STARD9: variants seen among roughly 807,000 people sequenced by gnomAD.
STARD9 encodes stAR-related lipid transfer protein 9.
Under a neutral mutation model 399.8 loss-of-function variants are expected in STARD9, and 346 were observed. That is an observed-to-expected ratio of 0.87 (90% confidence interval 0.79 to 0.95). The LOEUF (loss-of-function observed/expected upper bound fraction) is 0.95. STARD9 is among the 40% of genes least tolerant of loss of function. The pLI is 0.00. For synonymous variants in STARD9, 2,203 were observed against 2,143.5 expected, an observed-to-expected ratio of 1.03 and a Z score of -0.77; for missense variants, 5,832 against 5,667.5, an observed-to-expected ratio of 1.03 and a Z score of -0.93.
Position 42,688,020 on chromosome 15 carries a change from A to C in STARD9, c.6442A>C (p.Thr2148Pro). 3.3e-6 allele frequency: 5 copies of C among 1,537,412 alleles called. No individual in the cohort carries two copies. Among genetic ancestry groups the C allele is most frequent in the Middle Eastern group, 3.3e-4 (2 of 5,992 alleles). The change falls in exon 23 of 33, where the codon ACC becomes CCC. Residue 2148 changes from threonine to proline, a missense_variant. Thr to Pro is a conservative substitution (Grantham distance 38). Transcript: ENST00000290607. Reference sequence around the variant, plus strand: ...GAACCATCCCCAGGTCCAGAAAATCACCCCAAACCCCTTCAGGTCAAGGGA... The same window carrying C: ...GAACCATCCCCAGGTCCAGAAAATCCCCCCAAACCCCTTCAGGTCAAGGGA... ...IGNHPQVQKITPNPFRSREGV... is the reference protein window; with the variant it reads ...IGNHPQVQKIPPNPFRSREGV...
intron 7 of STARD9, among the ~76,000 whole-genome samples, chr15:42,647,929 C>A (rs2059676794): frequency 6.6e-6 from 1 of 152,152 alleles, no homozygotes; most frequent in South Asian, 2.1e-4. Context: ...ACAACATAGA[C>A]CATTGATTTA....
rs1345809191 is a variant in STARD9, at chr15:42,720,902, C to G, written c.*1328C>G. 1 of 152,046 alleles carries G rather than the reference C, an allele frequency of 6.6e-6. No homozygotes were observed. Among genetic ancestry groups the G allele is most frequent in the Non-Finnish European group, 1.5e-5 (1 of 68,008 alleles). 9.4% of individuals were successfully genotyped at this position (152,046 alleles called of 1,614,324 possible). A position where few individuals can be genotyped will look rare whatever the true frequency, so the allele number is the denominator to read the frequency against. On this transcript the variant is annotated 3_prime_UTR_variant, in exon 33 of 33. Coordinates refer to ENST00000290607, the MANE Select transcript of STARD9 (RefSeq NM_020759.3). ...TTGGTGACATGATATATTTAACACCCTATTTATATACTCCTACCTCTTTTC... is the reference window on the plus strand; with the variant it reads ...TTGGTGACATGATATATTTAACACCGTATTTATATACTCCTACCTCTTTTC...
At chr15:42,604,768 T>C (rs1292367025) in intron 3 of STARD9, among the ~76,000 whole-genome samples, 1 of 150,740 alleles carries the variant, frequency 6.6e-6, no homozygotes, top group Non-Finnish European at 1.5e-5. Context: ...CTTAGCCTCC[T>C]GAGTAACTAA....
In STARD9 at chr15:42,675,788, G is replaced by C. The variant is rs982467293; in HGVS notation, c.1770+42G>C. On this transcript the variant is annotated intron_variant, in intron 19 of 32. Transcript: ENST00000290607. ...TTTCTAGGTTATTGCTGGCCTCCCTGTTTCCACCTTTTAGATGAAAAGCCA... is the reference window on the plus strand; with the variant it reads ...TTTCTAGGTTATTGCTGGCCTCCCTCTTTCCACCTTTTAGATGAAAAGCCA... 5.2e-6 allele frequency: 8 copies of C among 1,534,070 alleles called. No homozygotes were observed. In the African/African-American group the frequency reaches 1.1e-4, roughly 21 times the overall value.
At chr15:42,629,321 T>C (rs1242756905) in intron 3 of STARD9, among the ~76,000 whole-genome samples, 1 of 152,222 alleles carries the variant, frequency 6.6e-6, no homozygotes, top group Non-Finnish European at 1.5e-5. Context: ...GCCTGGCCTA[T>C]AGTTTTCATT....
In STARD9 at chr15:42,678,244, G is replaced by T. The variant is rs1233576509; in HGVS notation, c.1874+2269G>T. On this transcript the variant is annotated intron_variant, in intron 20 of 32. Transcript: ENST00000290607. The stretch of plus-strand genomic sequence containing the variant: ...ATATAAATTGTCAGCTGGGCTCCCA[G>T]TCTGGATTTGTGGTTGTGTGTCTAC... Among the ~76,000 whole-genome samples the T allele has an allele frequency of 2.6e-5, 4 of 152,218 alleles. No individual in the cohort carries two copies. In the East Asian group the frequency reaches 7.7e-4, roughly 29 times the overall value.
intron 3 of STARD9, among the ~76,000 whole-genome samples, chr15:42,631,102 C>T (rs781419142): frequency 2.9e-4 from 44 of 151,942 alleles, no homozygotes; most frequent in Non-Finnish European, 5.1e-4. Flanking sequence ...GCCTTGGCCT[C>T]CCAAAGTGCT....
chr15:42,668,539 A>G (rs1360501700), intron 15 of STARD9, among the ~76,000 whole-genome samples: 1 of 152,162 alleles, frequency 6.6e-6, no homozygotes, highest in Admixed American at 6.5e-5. Context: ...GGGTACATTT[A>G]CTTTTAAAAA....
rs2060160437 is a variant in STARD9, at chr15:42,669,244, G to A, written c.1404G>A (p.Arg468=). The change falls in exon 16 of 33, where the codon AGG becomes AGA. Residue 468 remains arginine (R), a synonymous_variant. Transcript: ENST00000290607. Reference sequence around the variant, plus strand: ...ATTACAGTGTGGACATCAACAGGAGGAGGGCTGGGGTGGTCATCGACTCCA... The same window carrying A: ...ATTACAGTGTGGACATCAACAGGAGAAGGGCTGGGGTGGTCATCGACTCCA... ...MEHYSVDINR[R]RAGVVIDSSL... The A allele has an allele frequency of 2.0e-6, 3 of 1,537,140 alleles. No individual in the cohort carries two copies. The highest frequency in any genetic ancestry group is 2.6e-6 in the Non-Finnish European group (3 of 1,146,798).
chr15:42,653,577 TCTC>T (rs2059806724), intron 9 of STARD9, among the ~76,000 whole-genome samples: 1 of 148,354 alleles, frequency 6.7e-6, no homozygotes, highest in African/African-American at 2.6e-5. Flanking sequence ...ATGGCTGACT[TCTC>T]ATCAGAAGCA....
At position 42,687,731 on chromosome 15, in the gene STARD9, TAGG is replaced by T; in HGVS notation, c.6156_6158del (p.Arg2052del). The T allele has an allele frequency of 2.0e-6, 3 of 1,537,382 alleles. No homozygotes were observed. The highest frequency in any genetic ancestry group is 2.6e-6 in the Non-Finnish European group (3 of 1,146,972). ...ATACTGATGAAATGGCTAGGCTAAT[TAGG>T]AGTGTAATGCAGCTGGAAAATGGCA... On this transcript the variant is annotated inframe_deletion, in exon 23 of 33. Transcript: ENST00000290607.
Position 42,694,605 on chromosome 15 carries a change from G to T in STARD9, c.12842G>T (p.Ser4281Ile), listed in dbSNP as rs930685807. 1 of 1,537,226 alleles carries T rather than the reference G, an allele frequency of 6.5e-7. No homozygotes were observed. The highest frequency in any genetic ancestry group is 8.7e-7 in the Non-Finnish European group (1 of 1,146,900). The change falls in exon 24 of 33, where the codon AGC becomes ATC. Residue 4281 changes from serine (S) to isoleucine (I), a missense_variant. Transcript: ENST00000290607. ...LGNFCRTRSL[S>I]PQKQLSLLPN... ...AACTTCTGCCGGACGCGAAGCCTTAGCCCTCAGAAACAACTGAGCCTCCTG... is the reference window on the plus strand; with the variant it reads ...AACTTCTGCCGGACGCGAAGCCTTATCCCTCAGAAACAACTGAGCCTCCTG...
chr15:42,674,908 G>A lies in STARD9; in HGVS notation c.1631G>A (p.Gly544Glu). ...GTAGTTGTTCTACGACCTGCCCGTG[G>A]GGCCCGCTGTACAGTCAATGGCCGG... ...CGVVVLRPARGARCTVNGREV... is the reference protein window; with the variant it reads ...CGVVVLRPAREARCTVNGREV... The change falls in exon 18 of 33, where the codon GGG (glycine) becomes GAG (glutamate). Residue 544 changes from glycine to glutamate, a missense_variant. This residue lies in a region of STARD9 where 5,828 missense variants were observed against 5,651.1 expected (regional missense o/e 1.03). Coordinates refer to ENST00000290607, the MANE Select transcript of STARD9 (RefSeq NM_020759.3). The A allele has an allele frequency of 6.5e-7, 1 of 1,537,058 alleles. No homozygotes were observed. Among genetic ancestry groups the A allele is most frequent in the African/African-American group, 1.4e-5 (1 of 73,146 alleles).
intron 3 of STARD9, among the ~76,000 whole-genome samples, chr15:42,631,864 G>C (rs995555918): frequency 2.0e-5 from 3 of 151,866 alleles, no homozygotes; most frequent in Non-Finnish European, 4.4e-5. Flanking sequence ...CCGAACATAT[G>C]GTCTATTCTT....
intron 1 of STARD9, among the ~76,000 whole-genome samples, chr15:42,578,628 T>G (rs976771468): frequency 2.0e-5 from 3 of 150,688 alleles, no homozygotes; most frequent in South Asian, 4.2e-4. Context: ...TAGCTTTGTT[T>G]TTTTTTTTTT....
chr15:42,664,818 A>C (rs561030022), intron 13 of STARD9, among the ~76,000 whole-genome samples: 1 of 149,806 alleles, frequency 6.7e-6, no homozygotes, highest in Non-Finnish European at 1.5e-5. Flanking sequence ...ACACACACAC[A>C]CACACACCCC....
Position 42,695,783 on chromosome 15 carries a change from T to C in STARD9, c.13187T>C (p.Leu4396Pro), listed in dbSNP as rs1253457233. ...KLHTLANSSS[L>P]CTSSNGSLSS... is the part of the protein sequence containing the mutation. ...CATACCTTGGCCAATTCCAGCTCCC[T>C]GTGCACCAGCTCTAATGGAAGCCTC... Residue 4396 changes from leucine (L) to proline (P), a missense_variant, in exon 26 of 33, where the codon CTG (leucine) becomes CCG (proline). Leu to Pro is a moderately conservative substitution (Grantham distance 98, BLOSUM62 -3). Transcript: ENST00000290607. 6.5e-7 allele frequency: 1 copy of C among 1,537,254 alleles called. No individual in the cohort carries two copies. The highest frequency in any genetic ancestry group is 2.0e-5 in the Admixed American group (1 of 51,010).
intron 15 of STARD9, among the ~76,000 whole-genome samples, chr15:42,667,623 C>T (rs1402235175): frequency 6.6e-6 from 1 of 151,982 alleles, no homozygotes; most frequent in African/African-American, 2.4e-5. Context: ...GGATTACAGG[C>T]ACCCACTGCC....
chr15:42,579,345 G>C (rs1300561058), intron 1 of STARD9, among the ~76,000 whole-genome samples: 1 of 152,196 alleles, frequency 6.6e-6, no homozygotes, highest in African/African-American at 2.4e-5. Flanking sequence ...TAGAACAGCA[G>C]ACTCGCCTGT....
Sources: allele counts gnomAD v4.1 joint callset (sites outside exome capture counted in the v4.1 genomes callset), GRCh38; gene constraint gnomAD v4.1.1; regional missense constraint gnomAD v4.1.1; transcripts MANE v1.5; gene names NCBI Gene and HGNC (gene_info 2026-07-23, HGNC 2026-07-21).